Variants in RHBDD1 observed in about 807,000 individuals in gnomAD.
RHBDD1 encodes the protein rhomboid-related protein 4.
RHBDD1 carries 38 observed loss-of-function variants against 36.3 expected under a neutral mutation model. That is an observed-to-expected ratio of 1.05 (90% CI 0.81 to 1.37). The LOEUF is 1.37. Ranked by LOEUF, RHBDD1 falls within the 40% of genes most tolerant of loss-of-function variation. RHBDD1 has a pLI of 0.00. For missense variants in RHBDD1, 393 were observed against 377.6 expected (o/e 1.04, Z -0.34); for synonymous variants, 151 against 136.5 (o/e 1.11, Z -0.74).
intron 5 of RHBDD1, among the ~76,000 whole-genome samples, chr2:226,887,535 G>C (rs1946333632): frequency 6.6e-6 from 1 of 152,180 alleles, no homozygotes; most frequent in Non-Finnish European, 1.5e-5. Flanking sequence ...CTCAACAGAG[G>C]GTCACATTTC....
intron 5 of RHBDD1, among the ~76,000 whole-genome samples, chr2:226,879,603 A>G (rs776394199): frequency 6.6e-6 from 1 of 152,224 alleles, no homozygotes; most frequent in Non-Finnish European, 1.5e-5. Context: ...AAAGGAGAAA[A>G]TGAGGTATAA....
intron 7 of RHBDD1, among the ~76,000 whole-genome samples, chr2:226,910,765 A>T (rs932480073): frequency 3.9e-5 from 6 of 152,126 alleles, no homozygotes; most frequent in Admixed American, 3.9e-4. Context: ...AATGTTTATT[A>T]TGAAGATTTT....
intron 5 of RHBDD1, among the ~76,000 whole-genome samples, chr2:226,875,537 C>T (rs530556308): frequency 1.3e-5 from 2 of 151,922 alleles, no homozygotes; most frequent in Admixed American, 1.3e-4. Flanking sequence ...TAACTACCCC[C>T]CAAACCAGAA....
chr2:226,901,712 G>A (rs1453589411), intron 5 of RHBDD1, among the ~76,000 whole-genome samples: 1 of 152,078 alleles, frequency 6.6e-6, no homozygotes, highest in Non-Finnish European at 1.5e-5. Context: ...CCAGCAGAAC[G>A]GAGACTATAT....
chr2:226,908,033 G>A (rs182004034), intron 6 of RHBDD1, among the ~76,000 whole-genome samples: 99 of 152,234 alleles, frequency 6.5e-4, no homozygotes, highest in African/African-American at 2.2e-3. Flanking sequence ...AATTTTTAAA[G>A]AGGATTTTCC....
chr2:226,802,122 G>T, the RHBDD1 span, among the ~76,000 whole-genome samples: 2 of 151,884 alleles, frequency 1.3e-5, no homozygotes, highest in East Asian at 1.9e-4. Flanking sequence ...TTATTTGCAC[G>T]TACCTCACAA....
intron 8 of RHBDD1, among the ~76,000 whole-genome samples, chr2:226,970,169 T>G (rs897755886): frequency 6.6e-5 from 10 of 151,934 alleles, no homozygotes; most frequent in African/African-American, 1.9e-4. Flanking sequence ...TGCACTGTGC[T>G]ATGTGATCCT....
Position 226,884,492 on chromosome 2 carries a change from C to T in RHBDD1, c.566+17174C>T, listed in dbSNP as rs76338464. On this transcript the variant is annotated intron_variant, in intron 5 of 8. Coordinates refer to ENST00000392062, the MANE Select transcript of RHBDD1 (RefSeq NM_001167608.3). ...TCTCCTTAAATGGACATTGTTCCCC[C>T]CTGAATTCAAGAGGAGAGCATTTTA... is the stretch of plus-strand genomic sequence containing the variant. Among the ~76,000 whole-genome samples the T allele has an allele frequency of 4.2e-3, 637 of 152,148 alleles. 3 individuals are homozygous for T. Among genetic ancestry groups the T allele is most frequent in the African/African-American group, 0.014 (588 of 41,518 alleles).
chr2:226,987,637 GC>G (rs1390973176), intron 8 of RHBDD1, among the ~76,000 whole-genome samples: 1 of 152,176 alleles, frequency 6.6e-6, no homozygotes, highest in Non-Finnish European at 1.5e-5. Flanking sequence ...AGAGGTCCAG[GC>G]CCCCCTCTGG....
At chr2:226,885,958 T>A (rs1005804706) in intron 5 of RHBDD1, among the ~76,000 whole-genome samples, 1 of 151,970 alleles carries the variant, frequency 6.6e-6, no homozygotes, top group African/African-American at 2.4e-5. Flanking sequence ...AAAGGGATGG[T>A]TTGTGTCCCA....
At chr2:226,970,052 C>G (rs1452789199) in intron 8 of RHBDD1, among the ~76,000 whole-genome samples, 1 of 134,350 alleles carries the variant, frequency 7.4e-6, no homozygotes, top group African/African-American at 2.8e-5. Context: ...ACATCGTCAT[C>G]CCAGCCCTCT....
At chr2:226,900,410 C>T (rs1333900438) in intron 5 of RHBDD1, among the ~76,000 whole-genome samples, 1 of 152,128 alleles carries the variant, frequency 6.6e-6, no homozygotes, top group Non-Finnish European at 1.5e-5. Flanking sequence ...TAGCTAAAGG[C>T]AGCAGTGGTG....
the RHBDD1 span, among the ~76,000 whole-genome samples, chr2:226,820,446 G>C: frequency 1.3e-5 from 2 of 151,964 alleles, no homozygotes; most frequent in East Asian, 3.9e-4. Flanking sequence ...ACTCCATCTT[G>C]CTCAGTCTTA....
At chr2:226,868,922 A>G (rs1380072427) in intron 5 of RHBDD1, among the ~76,000 whole-genome samples, 1 of 152,130 alleles carries the variant, frequency 6.6e-6, no homozygotes, top group Non-Finnish European at 1.5e-5. Flanking sequence ...AGCCCTCTCT[A>G]TACCTTGTCA....
rs191381349 is a variant in RHBDD1, at chr2:226,864,612, G to A, written c.-82G>A. 2.9e-3 allele frequency: 3,213 copies of A among 1,106,466 alleles called. 13 individuals carry two copies. The highest frequency in any genetic ancestry group is 3.4e-3 in the Non-Finnish European group (2,527 of 751,692). The allele number at this position is 1,106,466 out of a possible 1,614,324, so 68.5% of individuals were successfully genotyped here. A position where few individuals can be genotyped will look rare whatever the true frequency, so the allele number is the denominator to read the frequency against. ...TGCATTTTGTGTTTTAGGTTCAGCCGTCTGTATATCTCCCCAGATACCTGA... is the reference window on the plus strand; with the variant it reads ...TGCATTTTGTGTTTTAGGTTCAGCCATCTGTATATCTCCCCAGATACCTGA... On this transcript the variant is annotated 5_prime_UTR_variant, in exon 4 of 9. Coordinates refer to ENST00000392062, the MANE Select transcript of RHBDD1 (RefSeq NM_001167608.3).
intron 3 of RHBDD1, among the ~76,000 whole-genome samples, chr2:226,853,613 T>G (rs1943045399): frequency 6.6e-6 from 1 of 152,186 alleles, no homozygotes; most frequent in African/African-American, 2.4e-5. Context: ...ATCTGTGTAA[T>G]AAAGTGGAAT....
Position 226,959,057 on chromosome 2 carries a change from A to G in RHBDD1, c.857-36374A>G, listed in dbSNP as rs74981157. Among the ~76,000 whole-genome samples the G allele has an allele frequency of 8.2e-4, 125 of 152,218 alleles. 1 individual carries two copies. In the East Asian group the frequency reaches 0.021, roughly 26 times the overall value. On this transcript the variant is annotated intron_variant, in intron 8 of 8. Transcript: ENST00000392062. ...GCATAGAGCAGCCTCAGAAATCTAAATGTCTTCAGGAGCCGAACAGATAAC... is the reference window on the plus strand; with the variant it reads ...GCATAGAGCAGCCTCAGAAATCTAAGTGTCTTCAGGAGCCGAACAGATAAC...
chr2:226,926,433 G>A (rs192037742), intron 8 of RHBDD1, among the ~76,000 whole-genome samples: 10 of 152,132 alleles, frequency 6.6e-5, no homozygotes, highest in South Asian at 4.1e-4. Context: ...AAACCATACC[G>A]TGCCCTTTTT....
At chr2:226,842,171 T>A (rs1436104408) in intron 3 of RHBDD1, among the ~76,000 whole-genome samples, 1 of 144,218 alleles carries the variant, frequency 6.9e-6, no homozygotes, top group South Asian at 2.1e-4. Context: ...TTAAGTTCCT[T>A]GTAGACTGTG....
Sources: gnomAD v4.1 joint callset for allele counts (sites outside exome capture counted in the v4.1 genomes callset) on GRCh38, gnomAD v4.1.1 for gene constraint, MANE v1.5 for transcripts, NCBI Gene and HGNC (gene_info 2026-07-23, HGNC 2026-07-21) for gene names.